Variants in COLQ observed in about 807,000 individuals in gnomAD.
COLQ encodes the protein acetylcholinesterase collagenic tail peptide.
Under a neutral mutation model 69.0 loss-of-function variants are expected in COLQ, and 48 were observed. The observed-to-expected ratio is 0.70, with a 90% CI of 0.55 to 0.88. The LOEUF (loss-of-function observed/expected upper bound fraction) is 0.88, where lower values mean the gene tolerates loss of function less well. Ranked by LOEUF, COLQ falls within the 40% of genes least tolerant of loss-of-function variation. COLQ has a pLI of 0.00. For synonymous variants in COLQ, 217 were observed against 211.2 expected (o/e 1.03, Z -0.24); for missense variants, 618 against 594.6 (o/e 1.04, Z -0.41).
At chr3:15,488,060 A>C in intron 3 of COLQ, 146 bp downstream of exon 3, 3 of 636,842 alleles carry the variant, frequency 4.7e-6, no homozygotes, top group South Asian at 1.9e-5. Context: ...TGTTCTATCC[A>C]AGTGGCTTTG....
intron 12 of COLQ, among the ~76,000 whole-genome samples, chr3:15,464,395 G>A (rs2062166788): frequency 6.6e-6 from 1 of 152,190 alleles, no homozygotes; most frequent in Non-Finnish European, 1.5e-5. Context: ...TATTTCAGAG[G>A]TGAATGGAGT....
At chr3:15,505,063 T>G (rs1283515714) in intron 1 of COLQ, among the ~76,000 whole-genome samples, 8 of 152,186 alleles carry the variant, frequency 5.3e-5, no homozygotes, top group Admixed American at 5.2e-4. Context: ...ATTAAAAAAT[T>G]TTAGATAGTC....
At chr3:15,507,719 T>C (rs1403217441) in intron 1 of COLQ, among the ~76,000 whole-genome samples, 1 of 152,194 alleles carries the variant, frequency 6.6e-6, no homozygotes, top group Non-Finnish European at 1.5e-5. Flanking sequence ...CCTCCCAAAG[T>C]GCTGGGATTA....
At chr3:15,517,013 G>A (rs1053818676) in intron 1 of COLQ, among the ~76,000 whole-genome samples, 1 of 152,100 alleles carries the variant, frequency 6.6e-6, no homozygotes, top group African/African-American at 2.4e-5. Context: ...TTGGTGGCAC[G>A]TGCCTGTACT....
At chr3:15,514,544 C>T (rs1384748089) in intron 1 of COLQ, among the ~76,000 whole-genome samples, 2 of 152,362 alleles carry the variant, frequency 1.3e-5, no homozygotes, top group African/African-American at 4.8e-5. Flanking sequence ...AGCTTGGACT[C>T]TGGACTTTCA....
intron 1 of COLQ, among the ~76,000 whole-genome samples, chr3:15,509,059 T>C (rs1018322678): frequency 6.6e-6 from 1 of 152,192 alleles, no homozygotes; most frequent in Non-Finnish European, 1.5e-5. Flanking sequence ...AAATGGATTT[T>C]ATTGCTTCAA....
chr3:15,494,271 G>A (rs2062713173), intron 1 of COLQ, among the ~76,000 whole-genome samples: 1 of 152,192 alleles, frequency 6.6e-6, no homozygotes, highest in African/African-American at 2.4e-5. Context: ...AGGTGCAGGT[G>A]TGGGGAGGAC....
At chr3:15,517,595 A>G (rs542885197) in intron 1 of COLQ, among the ~76,000 whole-genome samples, 1 of 152,164 alleles carries the variant, frequency 6.6e-6, no homozygotes, top group Non-Finnish European at 1.5e-5. Flanking sequence ...GCCAAACCCA[A>G]GCTAGATTAG....
At chr3:15,511,423 G>A (rs1446615900) in intron 1 of COLQ, among the ~76,000 whole-genome samples, 3 of 152,208 alleles carry the variant, frequency 2.0e-5, no homozygotes, top group Non-Finnish European at 4.4e-5. Flanking sequence ...CACAGCAGAG[G>A]GAAGTAAGGG....
In COLQ at chr3:15,459,196, C is replaced by G. The variant is rs150050125; in HGVS notation, c.815-871G>C. On this transcript the variant is annotated intron_variant, in intron 12 of 16. Transcript: ENST00000383788. ...TGGATGTGGGTTTCTTTCATTTCTT[C>G]TGGAAGAAAATAGAACATTAGTATA... Among the ~76,000 whole-genome samples, 14 of 152,250 alleles carry G rather than the reference C, an allele frequency of 9.2e-5. No homozygotes were observed. The East Asian group carries it at 2.5e-3, about 27-fold the overall frequency.
intron 12 of COLQ, among the ~76,000 whole-genome samples, chr3:15,460,656 C>T (rs1278181443): frequency 2.0e-5 from 3 of 152,308 alleles, no homozygotes; most frequent in East Asian, 3.9e-4. Flanking sequence ...AGAATGCTGA[C>T]AGCATGAGGG....
At position 15,489,617 on chromosome 3, in the gene COLQ, T is replaced by C; in HGVS notation, c.127A>G (p.Lys43Glu). The change falls in exon 2 of 17, where the codon AAG becomes GAG. Residue 43 changes from lysine to glutamate, a missense_variant. Lys to Glu is a moderately conservative substitution (Grantham distance 56). Coordinates refer to ENST00000383788, the MANE Select transcript of COLQ (RefSeq NM_005677.4). ...CATGCTTTGTGGCCACCACGCTTCT[T>C]CTGATCCAGGCTGGGAAGGGCTGTT... ...ISAALPSLDQ[K>E]KRGGHKACCL... The C allele has an allele frequency of 6.2e-7, 1 of 1,614,080 alleles. No individual in the cohort carries two copies. The highest frequency in any genetic ancestry group is 8.5e-7 in the Non-Finnish European group (1 of 1,179,962).
chr3:15,485,797 A>G (rs186982397), intron 3 of COLQ, among the ~76,000 whole-genome samples: 110 of 152,270 alleles, frequency 7.2e-4, no homozygotes, highest in African/African-American at 2.4e-3. Flanking sequence ...GTCTCTACAA[A>G]ATATTAAGAA....
At chr3:15,504,015 C>G (rs2062868632) in intron 1 of COLQ, among the ~76,000 whole-genome samples, 1 of 152,008 alleles carries the variant, frequency 6.6e-6, no homozygotes, top group South Asian at 2.1e-4. Flanking sequence ...TGTAAACTCC[C>G]ATGAGTAAAC....
At chr3:15,498,614 G>T in intron 1 of COLQ, 2 of 1,551,644 alleles carry the variant, frequency 1.3e-6, no homozygotes, top group Non-Finnish European at 1.7e-6. Flanking sequence ...AAGCGGACTG[G>T]CCAGGGAACA....
chr3:15,508,957 C>A (rs1242836455), intron 1 of COLQ, among the ~76,000 whole-genome samples: 1 of 151,870 alleles, frequency 6.6e-6, no homozygotes, highest in Non-Finnish European at 1.5e-5. Context: ...TCAAGACCAG[C>A]CTGGGCAACA....
intron 11 of COLQ, 78 bp from the exon 12 acceptor site, chr3:15,466,515 G>A: frequency 7.9e-7 from 1 of 1,260,284 alleles, no homozygotes; most frequent in Non-Finnish European, 1.2e-6. Flanking sequence ...CCAAATCAGA[G>A]ATCACCTTGC....
chr3:15,475,903 G>T (rs2062371778), intron 6 of COLQ, among the ~76,000 whole-genome samples: 1 of 152,174 alleles, frequency 6.6e-6, no homozygotes, highest in Non-Finnish European at 1.5e-5. Flanking sequence ...AGAATGATTT[G>T]TGGTTGGGAC....
Position 15,498,890 on chromosome 3 carries a change from G to A in COLQ, c.107-9253C>T, listed in dbSNP as rs1013498802. 13 of 1,336,840 alleles carry A rather than the reference G, an allele frequency of 9.7e-6. No homozygotes were observed. In the South Asian group the frequency reaches 1.3e-4, roughly 13 times the overall value. The allele number at this position is 1,336,840 out of a possible 1,614,324, so 82.8% of individuals were successfully genotyped here. On this transcript the variant is annotated intron_variant, in intron 1 of 16. Coordinates refer to ENST00000383788, the MANE Select transcript of COLQ (RefSeq NM_005677.4). ...GAGGATATGAGGTTGGGAGCCCAGG[G>A]ATACTTATCCCCCTGCAAGCCAAGA...
Sources: allele counts gnomAD v4.1 joint callset (sites outside exome capture counted in the v4.1 genomes callset), GRCh38; gene constraint gnomAD v4.1.1; transcripts MANE v1.5; gene names NCBI Gene and HGNC (gene_info 2026-07-23, HGNC 2026-07-21).